The following CCSER1 variants were observed in gnomAD, a reference collection of about 807,000 sequenced individuals.
CCSER1 encodes coiled-coil serine rich protein 1.
In CCSER1, 41 loss-of-function variants were observed where a neutral mutation model predicts 82.0. The ratio of observed to expected loss-of-function variants is 0.50; its 90% CI spans 0.39 to 0.65. The LOEUF (loss-of-function observed/expected upper bound fraction) is 0.65. Among genes scored for constraint, CCSER1 ranks in the 30% least tolerant of loss-of-function variants. The probability of loss-of-function intolerance (pLI) is 0.00; values close to 1 mark genes in which losing one functional copy is unlikely to be tolerated. For synonymous variants in CCSER1, 414 were observed against 383.9 expected, an observed-to-expected ratio of 1.08 and a Z score of -0.92; for missense variants, 1,119 against 1,064.2, an observed-to-expected ratio of 1.05 and a Z score of -0.72.
chr4:90,498,932 C>T (rs143256071), intron 5 of CCSER1, among the ~76,000 whole-genome samples: 5 of 152,152 alleles, frequency 3.3e-5, no homozygotes, highest in South Asian at 2.1e-4. Context: ...TCTCATAAAA[C>T]GTGAACAGAC....
chr4:90,963,890 G>A (rs538507572), intron 9 of CCSER1, among the ~76,000 whole-genome samples: 2 of 152,164 alleles, frequency 1.3e-5, no homozygotes, highest in Admixed American at 1.3e-4. Context: ...CAAGAAGTTA[G>A]GAGTTGTCAA....
At chr4:90,770,039 A>G (rs1297545999) in intron 7 of CCSER1, among the ~76,000 whole-genome samples, 1 of 152,160 alleles carries the variant, frequency 6.6e-6, no homozygotes, top group Non-Finnish European at 1.5e-5. Context: ...TGTGGGGCCC[A>G]TTTGTGAGGC....
chr4:90,228,803 C>A (rs948669369), intron 1 of CCSER1, among the ~76,000 whole-genome samples: 4 of 152,124 alleles, frequency 2.6e-5, no homozygotes, highest in African/African-American at 9.7e-5. Flanking sequence ...AAGACCAAGG[C>A]TCGAGAACTA....
intron 10 of CCSER1, among the ~76,000 whole-genome samples, chr4:91,328,861 A>G (rs1424857074): frequency 2.6e-5 from 4 of 152,176 alleles, no homozygotes; most frequent in Non-Finnish European, 5.9e-5. Flanking sequence ...TAGTTGAATC[A>G]TGGTAGCAGT....
chr4:90,476,050 G>C (rs778286100), intron 5 of CCSER1, among the ~76,000 whole-genome samples: 2 of 151,728 alleles, frequency 1.3e-5, no homozygotes, highest in Non-Finnish European at 2.9e-5. Flanking sequence ...GTGTGTATGT[G>C]TGTGTGTGTG....
At chr4:90,870,309 A>G (rs548945374) in intron 8 of CCSER1, among the ~76,000 whole-genome samples, 3 of 152,072 alleles carry the variant, frequency 2.0e-5, no homozygotes, top group Admixed American at 6.6e-5. Flanking sequence ...TCTGTTCACT[A>G]TGATAACTAG....
At chr4:90,423,834 T>G (rs1164120660) in intron 4 of CCSER1, among the ~76,000 whole-genome samples, 1 of 147,950 alleles carries the variant, frequency 6.8e-6, no homozygotes, top group Non-Finnish European at 1.5e-5. Flanking sequence ...CTGGGCGTGG[T>G]GGCTCACGCC....
chr4:90,908,107 A>G (rs1417766447), intron 8 of CCSER1, among the ~76,000 whole-genome samples: 1 of 152,188 alleles, frequency 6.6e-6, no homozygotes, highest in Non-Finnish European at 1.5e-5. Flanking sequence ...CTTAAATACT[A>G]GTGCAGAAGG....
intron 10 of CCSER1, among the ~76,000 whole-genome samples, chr4:91,412,491 A>C (rs1753114942): frequency 6.7e-6 from 1 of 149,210 alleles, no homozygotes; most frequent in African/African-American, 2.4e-5. Context: ...ATCTGTGGAC[A>C]TGAAAGCAGG....
intron 5 of CCSER1, among the ~76,000 whole-genome samples, chr4:90,500,661 AT>A (rs912910386): frequency 2.6e-5 from 4 of 152,112 alleles, no homozygotes; most frequent in African/African-American, 7.2e-5. Context: ...TATTTATATC[AT>A]TTTACCTGGA....
At chr4:90,362,392 A>G (rs72881699) in intron 3 of CCSER1, among the ~76,000 whole-genome samples, 27,027 of 152,102 alleles carry the variant, frequency 0.18, 3,072 homozygotes, top group East Asian at 0.5. Flanking sequence ...ATTTAAGAAA[A>G]CATTTAGTGT....
At chr4:91,275,079 C>A (rs1742315232) in intron 10 of CCSER1, among the ~76,000 whole-genome samples, 1 of 151,952 alleles carries the variant, frequency 6.6e-6, no homozygotes, top group African/African-American at 2.4e-5. Flanking sequence ...GCACTCCAGC[C>A]TGGGTGACAG....
intron 9 of CCSER1, among the ~76,000 whole-genome samples, chr4:90,940,892 G>T (rs971419246): frequency 1.3e-5 from 2 of 152,074 alleles, no homozygotes; most frequent in African/African-American, 2.4e-5. Context: ...AAAAGTCAGG[G>T]TTTTGTTTTG....
chr4:91,589,615 A>T (rs1185500844), intron 10 of CCSER1, among the ~76,000 whole-genome samples: 1 of 150,942 alleles, frequency 6.6e-6, no homozygotes, highest in Non-Finnish European at 1.5e-5. Context: ...AGCCACTACA[A>T]TTGTTCACTT....
chr4:91,088,156 C>T (rs981811176), intron 10 of CCSER1, among the ~76,000 whole-genome samples: 3 of 151,920 alleles, frequency 2.0e-5, no homozygotes, highest in African/African-American at 4.8e-5. Context: ...ACTCTTACTC[C>T]AAATGATTTC....
chr4:90,687,197 T>G (rs1734967609), intron 6 of CCSER1, among the ~76,000 whole-genome samples: 2 of 152,222 alleles, frequency 1.3e-5, no homozygotes, highest in Non-Finnish European at 2.9e-5. Context: ...CTAAAGTCAC[T>G]TATGTAAAAT....
At chr4:90,850,675 C>T (rs995761829) in intron 8 of CCSER1, among the ~76,000 whole-genome samples, 3 of 152,210 alleles carry the variant, frequency 2.0e-5, no homozygotes, top group Non-Finnish European at 4.4e-5. Flanking sequence ...TTCCTGTACC[C>T]CCACTGTATC....
chr4:91,051,268 T>G (rs546439124), intron 9 of CCSER1, among the ~76,000 whole-genome samples: 1 of 152,234 alleles, frequency 6.6e-6, no homozygotes, highest in South Asian at 2.1e-4. Context: ...CGCATTCAAG[T>G]GGAAAATGAA....
At chr4:91,269,880 C>G (rs1741892941) in intron 10 of CCSER1, among the ~76,000 whole-genome samples, 1 of 152,138 alleles carries the variant, frequency 6.6e-6, no homozygotes, top group South Asian at 2.1e-4. Context: ...TCTTTAGTCA[C>G]ACACTTATCT....
Sources: gnomAD v4.1 joint callset for allele counts (sites outside exome capture counted in the v4.1 genomes callset) on GRCh38, gnomAD v4.1.1 for gene constraint, MANE v1.5 for transcripts, NCBI Gene and HGNC (gene_info 2026-07-23, HGNC 2026-07-21) for gene names.